The following DNAH5 variants were observed in gnomAD, a reference collection of about 807,000 sequenced individuals.
DNAH5 encodes dynein axonemal heavy chain 5.
DNAH5 carries 372 observed loss-of-function variants against 518.2 expected under a neutral mutation model. The observed-to-expected ratio is 0.72, with a 90% confidence interval of 0.66 to 0.78. DNAH5 has a LOEUF of 0.78. Among genes scored for constraint, DNAH5 ranks in the 30% least tolerant of loss-of-function variants. The probability of loss-of-function intolerance (pLI) is 0.00; values close to 1 mark genes in which losing one functional copy is unlikely to be tolerated. For synonymous variants in DNAH5, 2,039 were observed against 2,025.9 expected, an observed-to-expected ratio of 1.01 and a Z score of -0.17; for missense variants, 5,523 against 5,687.0, an observed-to-expected ratio of 0.97 and a Z score of 0.93.
chr5:13,731,445 C>T (rs546950845), intron 68 of DNAH5, among the ~76,000 whole-genome samples: 4 of 151,970 alleles, frequency 2.6e-5, no homozygotes, highest in South Asian at 2.1e-4. Context: ...GTTTAGTAGC[C>T]GGTAACTATG....
chr5:13,788,606 T>C, intron 51 of DNAH5, 110 bp downstream of exon 51: 2 of 914,868 alleles, frequency 2.2e-6, no homozygotes, highest in Non-Finnish European at 3.6e-6. Context: ...CTTGTATCAA[T>C]AAAGTTTACT....
chr5:13,812,075 G>A (rs1446349296), intron 43 of DNAH5, among the ~76,000 whole-genome samples: 1 of 152,104 alleles, frequency 6.6e-6, no homozygotes, highest in African/African-American at 2.4e-5. Context: ...AGGAAGTGTA[G>A]GTAGCCTGCT....
chr5:13,880,971 T>C (rs1771592731), intron 21 of DNAH5, among the ~76,000 whole-genome samples: 1 of 151,640 alleles, frequency 6.6e-6, no homozygotes, highest in South Asian at 2.1e-4. Flanking sequence ...ACTCACAGAT[T>C]GAAAGTGAAG....
chr5:13,713,411 C>A (rs149766645), intron 75 of DNAH5, among the ~76,000 whole-genome samples: 66 of 38,222 alleles, frequency 1.7e-3, no homozygotes, highest in Admixed American at 3.4e-3. Flanking sequence ...ATATATACAC[C>A]GACATATATA....
chr5:13,778,590 GAA>G (rs755814522), intron 53 of DNAH5, among the ~76,000 whole-genome samples: 835 of 58,316 alleles, frequency 0.014, 14 homozygotes, highest in South Asian at 0.019. Context: ...AAGAAAGAAA[GAA>G]AGAAAGAGAG....
chr5:13,795,860 G>A (rs920392323), intron 47 of DNAH5, among the ~76,000 whole-genome samples: 23 of 152,204 alleles, frequency 1.5e-4, no homozygotes, highest in African/African-American at 2.2e-4. Context: ...CCATGATCAA[G>A]TTGGCTTCAT....
chr5:13,778,516 G>GA (rs1754467068), intron 53 of DNAH5, among the ~76,000 whole-genome samples: 1 of 119,068 alleles, frequency 8.4e-6, no homozygotes, highest in African/African-American at 3.2e-5. Flanking sequence ...GGGAGGGAGG[G>GA]GAGAGAAAGT....
chr5:13,933,782 T>A (rs1337490901), intron 1 of DNAH5, among the ~76,000 whole-genome samples: 1 of 98,984 alleles, frequency 1.0e-5, no homozygotes, highest in Non-Finnish European at 1.8e-5. Context: ...AGAGTGAGAC[T>A]CCACCTCAAA....
rs1029914466 is a variant in DNAH5 at position 13,997,521 on chromosome 5, C to G, written c.12+14127G>C. Among the ~76,000 whole-genome samples the G allele has an allele frequency of 4.6e-5, 7 of 152,286 alleles. No homozygotes were observed. The South Asian group carries it at 1.0e-3, about 23-fold the overall frequency. ...AAATCTCTACCCCTGAGCTATACCC[C>G]CTCTACCAACATTCTGATCACAACC... On this transcript the variant is annotated intron_variant, in intron 1 of 78. Coordinates refer to the DNAH5 transcript ENST00000681290.
chr5:13,897,049 T>G (rs1309504918), intron 15 of DNAH5, among the ~76,000 whole-genome samples: 1 of 152,178 alleles, frequency 6.6e-6, no homozygotes, highest in African/African-American at 2.4e-5. Context: ...TCTTGGGTGG[T>G]CACAGCTAAT....
chr5:13,719,126 T>C, intron 71 of DNAH5, 25 bp from the exon 72 acceptor site: 1 of 1,579,954 alleles, frequency 6.3e-7, no homozygotes, highest in Admixed American at 1.7e-5. Context: ...AAACGGAAAT[T>C]AGGTAGTTTT....
intron 47 of DNAH5, among the ~76,000 whole-genome samples, chr5:13,796,311 A>G (rs1757810947): frequency 6.6e-6 from 1 of 152,232 alleles, no homozygotes; most frequent in African/African-American, 2.4e-5. Context: ...CCATTGTCTC[A>G]GCCCAAAATC....
At chr5:13,987,066 C>T (rs539170467) in intron 1 of DNAH5, among the ~76,000 whole-genome samples, 1 of 152,134 alleles carries the variant, frequency 6.6e-6, no homozygotes, top group Admixed American at 6.5e-5. Flanking sequence ...TCCTCGACTG[C>T]CCTGGTTTCA....
chr5:13,814,086 AATAAT>A (rs776629949), intron 43 of DNAH5, among the ~76,000 whole-genome samples: 22 of 152,168 alleles, frequency 1.4e-4, no homozygotes, highest in Non-Finnish European at 2.9e-4. Context: ...CTGGTAATAA[AATAAT>A]ATACCTGATT....
chr5:13,728,295 A>G (rs1395520547), intron 69 of DNAH5, among the ~76,000 whole-genome samples: 2 of 152,214 alleles, frequency 1.3e-5, no homozygotes, highest in Non-Finnish European at 1.5e-5. Flanking sequence ...TAAGCAGATC[A>G]GAAACACTGA....
chr5:13,718,807 T>A (rs1375646207), intron 72 of DNAH5, 75 bp downstream of exon 72: 7 of 1,256,704 alleles, frequency 5.6e-6, no homozygotes, highest in African/African-American at 3.0e-5. Context: ...TCCTAGCTAA[T>A]CCTTTTATAA....
In DNAH5 at chr5:13,814,787, T is replaced by A. The variant is rs1182701531; in HGVS notation, c.7048A>T (p.Asn2350Tyr). Residue 2350 changes from asparagine to tyrosine, a missense_variant, in exon 43 of 79, where the codon AAT becomes TAT. By Grantham distance (143) the Asn-to-Tyr change is moderately radical. Transcript: ENST00000265104. The part of the protein sequence containing the change: ...PVDAIWIENL[N>Y]SVLDDNKTLT... ...GTTTTGTTATCATCCAAAACAGAAT[T>A]CAGATTTTCAATCCAGATGGCATCT... 6.2e-7 allele frequency: 1 copy of A among 1,613,908 alleles called. No homozygotes were observed. Among genetic ancestry groups the A allele is most frequent in the Admixed American group, 1.7e-5 (1 of 59,996 alleles).
chr5:13,867,949 C>T lies in DNAH5; in HGVS notation c.3878G>A (p.Arg1293Lys). The change falls in exon 25 of 79, where the codon AGG (arginine) becomes AAG (lysine). Residue 1293 changes from arginine to lysine, a missense_variant. This residue lies in a region of DNAH5 where 5,121 missense variants were observed against 5,223.3 expected (regional missense o/e 0.98). Transcript: ENST00000265104. Reference sequence around the variant, plus strand: ...TGTATCAACTTTGTCTATCTCTTCCCTTGCTATCAGAAGTCCATATCTGTT... The same window carrying T: ...TGTATCAACTTTGTCTATCTCTTCCTTTGCTATCAGAAGTCCATATCTGTT... ...LLNRYGLLIA[R>K]EEIDKVDTLH... 1 of 1,614,000 alleles carries T rather than the reference C, an allele frequency of 6.2e-7. No individual in the cohort carries two copies. Among genetic ancestry groups the T allele is most frequent in the Non-Finnish European group, 8.5e-7 (1 of 1,179,944 alleles).
At chr5:13,718,750 T>C (rs1483475571) in intron 72 of DNAH5, 132 bp downstream of exon 72, 1 of 766,228 alleles carries the variant, frequency 1.3e-6, no homozygotes, top group Admixed American at 2.1e-5. Flanking sequence ...AAGAGGACCA[T>C]CACCTCCCCA....
Sources: allele counts gnomAD v4.1 joint callset (sites outside exome capture counted in the v4.1 genomes callset), GRCh38; gene constraint gnomAD v4.1.1; regional missense constraint gnomAD v4.1.1; transcripts MANE v1.5; gene names NCBI Gene and HGNC (gene_info 2026-07-23, HGNC 2026-07-21).